The following PTPRF variants were observed in gnomAD, a reference collection of about 807,000 sequenced individuals.
PTPRF encodes receptor-type tyrosine-protein phosphatase F.
Under a neutral mutation model 201.8 loss-of-function variants are expected in PTPRF, and 59 were observed. The ratio of observed to expected loss-of-function variants is 0.29; its 90% CI spans 0.24 to 0.36. The LOEUF is 0.36. Among genes scored for constraint, PTPRF ranks in the 10% least tolerant of loss-of-function variants. The pLI, the probability that PTPRF is intolerant of heterozygous loss-of-function variation, is 1.00. For synonymous variants in PTPRF, 1,088 were observed against 1,089.7 expected, an observed-to-expected ratio of 1.00 and a Z score of 0.03; for missense variants, 2,132 against 2,690.5, an observed-to-expected ratio of 0.79 and a Z score of 4.59.
At chr1:43,597,669 C>T (rs2154020609) in intron 11 of PTPRF, 79 bp from the exon 12 acceptor site, 1 of 1,058,900 alleles carries the variant, frequency 9.4e-7, no homozygotes, top group Non-Finnish European at 1.4e-6. Flanking sequence ...GGTGAGTCTC[C>T]AGTCCACTGT....
intron 3 of PTPRF, among the ~76,000 whole-genome samples, chr1:43,548,035 G>A (rs1644792756): frequency 6.6e-6 from 1 of 152,114 alleles, no homozygotes; most frequent in South Asian, 2.1e-4. Context: ...CACTGACACA[G>A]GCCATGGCAG....
At chr1:43,614,194 G>A (rs1222649789) in intron 23 of PTPRF, among the ~76,000 whole-genome samples, 4 of 152,224 alleles carry the variant, frequency 2.6e-5, no homozygotes, top group South Asian at 2.1e-4. Context: ...GTGAGGAAGC[G>A]GGGGCTCAGA....
rs918011603 is a variant in PTPRF at position 43,531,334 on chromosome 1, G to C, written c.-126+244G>C. Reference sequence around the variant, plus strand: ...GGCAGACGCGCCCCCAGCGCTGCTGGCTGGCTCGCTCCCCGCCGCCCCTCG... The same window carrying C: ...GGCAGACGCGCCCCCAGCGCTGCTGCCTGGCTCGCTCCCCGCCGCCCCTCG... On this transcript the variant is annotated intron_variant, in intron 1 of 33. Coordinates refer to ENST00000359947, the MANE Select transcript of PTPRF (RefSeq NM_002840.5). Among the ~76,000 whole-genome samples the C allele has an allele frequency of 9.9e-4, 147 of 147,836 alleles. 1 individual carries two copies. The highest frequency in any genetic ancestry group is 3.6e-3 in the African/African-American group (145 of 40,324).
intron 14 of PTPRF, among the ~76,000 whole-genome samples, chr1:43,602,571 G>A (rs1282701585): frequency 6.6e-6 from 1 of 151,318 alleles, no homozygotes; most frequent in Non-Finnish European, 1.5e-5. Flanking sequence ...CCCCACTCAA[G>A]GCCAGAGCTG....
chr1:43,611,721 C>T (rs985538400), intron 22 of PTPRF, among the ~76,000 whole-genome samples: 4 of 152,148 alleles, frequency 2.6e-5, no homozygotes, highest in Admixed American at 6.5e-5. Context: ...TGAAAGGTGG[C>T]AGTGGGAACA....
chr1:43,553,813 A>T lies in PTPRF; in HGVS notation c.251A>T (p.Asp84Val). The T allele has an allele frequency of 6.2e-7, 1 of 1,614,112 alleles. No individual in the cohort carries two copies. Among genetic ancestry groups the T allele is most frequent in the Non-Finnish European group, 8.5e-7 (1 of 1,180,020 alleles). The part of the protein sequence containing the change: ...SSQRFEVIEF[D>V]DGAGSVLRIQ... ...GTCCTCTGACAGGTCATTGAGTTTG[A>T]TGATGGGGCAGGGTCAGTGCTTCGG... is the stretch of plus-strand genomic sequence containing the variant. Residue 84 changes from aspartate (D) to valine (V), a missense_variant, in exon 5 of 34, where the codon GAT (aspartate) becomes GTT (valine). Physicochemically the swap from Asp to Val is radical, Grantham distance 152. Around this residue, in one of 6 missense-constraint regions of PTPRF, gnomAD observed 297 missense variants for 454.0 expected, o/e 0.65. Coordinates refer to ENST00000359947, the MANE Select transcript of PTPRF (RefSeq NM_002840.5). This position sits in a 1 kb window ranked among gnomAD's most constrained non-coding sequence, Gnocchi z 4.1.
intron 8 of PTPRF, among the ~76,000 whole-genome samples, chr1:43,590,055 C>T (rs899580444): frequency 3.3e-5 from 5 of 152,166 alleles, no homozygotes; most frequent in Non-Finnish European, 7.3e-5. Flanking sequence ...GATCAGGATC[C>T]TCACTGTGGT....
chr1:43,550,609 C>T (rs1359222741), intron 3 of PTPRF, among the ~76,000 whole-genome samples: 4 of 152,230 alleles, frequency 2.6e-5, no homozygotes, highest in African/African-American at 9.6e-5. Context: ...GCTATCTGCC[C>T]TGCCCAGGGT....
chr1:43,568,778 A>G (rs1015402406), intron 5 of PTPRF, among the ~76,000 whole-genome samples: 2 of 152,016 alleles, frequency 1.3e-5, no homozygotes, highest in African/African-American at 2.4e-5. Context: ...CTCTTACTCT[A>G]TGCTAGTGAC....
At chr1:43,613,145 G>A (rs1370028470) in intron 22 of PTPRF, 8 of 265,090 alleles carry the variant, frequency 3.0e-5, no homozygotes, top group Non-Finnish European at 4.5e-5. Context: ...TCTCTCTATT[G>A]TGTCTGTACT....
At chr1:43,568,768 C>A (rs182813168) in intron 5 of PTPRF, among the ~76,000 whole-genome samples, 2 of 152,258 alleles carry the variant, frequency 1.3e-5, no homozygotes, top group East Asian at 3.9e-4. Flanking sequence ...ACATCTGTTC[C>A]TCTTACTCTA....
chr1:43,557,356 G>A (rs568393851), intron 5 of PTPRF, among the ~76,000 whole-genome samples: 2 of 152,334 alleles, frequency 1.3e-5, no homozygotes, highest in East Asian at 3.9e-4. Context: ...AGGAGGGGCT[G>A]GGTGTGGTGG....
chr1:43,602,622 C>T (rs200787200), intron 14 of PTPRF, among the ~76,000 whole-genome samples: 4 of 128,644 alleles, frequency 3.1e-5, no homozygotes, highest in Non-Finnish European at 5.3e-5. Context: ...TCCCACTGCA[C>T]GGTGGTCCCT....
intron 10 of PTPRF, 91 bp downstream of exon 10, chr1:43,592,039 G>A: frequency 6.5e-7 from 1 of 1,542,784 alleles, no homozygotes; most frequent in Non-Finnish European, 8.8e-7. Flanking sequence ...TCTGGATTCT[G>A]TGGCTTATGT....
At chr1:43,582,305 A>G (rs1374172414) in intron 7 of PTPRF, among the ~76,000 whole-genome samples, 1 of 152,236 alleles carries the variant, frequency 6.6e-6, no homozygotes, top group Non-Finnish European at 1.5e-5. Context: ...CTCGGATAGC[A>G]CTGTGGGGGG....
Position 43,621,172 on chromosome 1 carries a change from C to T in PTPRF, c.5595C>T (p.Val1865=), listed in dbSNP as rs753391620. The change falls in exon 33 of 34, where the codon GTC becomes GTT. Residue 1865 remains valine (V), a synonymous_variant. Transcript: ENST00000359947. ...VLERMRYEGV[V]DMFQTVKTLR... is the part of the protein sequence containing the mutation. ...AGCGCATGCGCTACGAGGGCGTGGT[C>T]GACATGTTTCAGACCGTGAAGACCC... 23 of 1,614,128 alleles carry T rather than the reference C, an allele frequency of 1.4e-5. No individual in the cohort carries two copies. The South Asian group carries it at 2.1e-4, about 15-fold the overall frequency.
chr1:43,576,072 C>A, intron 6 of PTPRF: 2 of 627,222 alleles, frequency 3.2e-6, no homozygotes, highest in South Asian at 1.5e-5. Context: ...CCCAACACCA[C>A]CGGCCACCAC....
At chr1:43,547,944 G>A (rs554712340) in intron 3 of PTPRF, among the ~76,000 whole-genome samples, 17 of 152,152 alleles carry the variant, frequency 1.1e-4, no homozygotes, top group Non-Finnish European at 1.8e-4. Context: ...AGTGCGTGTC[G>A]CGTGCCTGTC....
At position 43,623,659 on chromosome 1, in the gene PTPRF, C is replaced by G. The variant is rs1659572870; in HGVS notation, c.*1656C>G. ...GTAATAAATTTGAATAATCAGATTT[C>G]TTACAAACCAGGACTCTGTCTCAGC... On this transcript the variant is annotated 3_prime_UTR_variant, in exon 34 of 34. Coordinates refer to ENST00000359947, the MANE Select transcript of PTPRF (RefSeq NM_002840.5). 1 of 152,594 alleles carries G rather than the reference C, an allele frequency of 6.6e-6. No homozygotes were observed. 9.5% of individuals were successfully genotyped at this position (152,594 alleles called of 1,614,324 possible).
Sources: allele counts gnomAD v4.1 joint callset (sites outside exome capture counted in the v4.1 genomes callset), GRCh38; gene constraint gnomAD v4.1.1; regional missense constraint gnomAD v4.1.1; non-coding constraint Gnocchi (gnomAD v3.1); transcripts MANE v1.5; gene names NCBI Gene and HGNC (gene_info 2026-07-23, HGNC 2026-07-21).